CUL5: variants seen among roughly 807,000 people sequenced by gnomAD.
CUL5 encodes the protein cullin-5.
A neutral mutation model predicts 108.8 loss-of-function variants in CUL5; 26 were observed. The observed-to-expected ratio is 0.24, with a 90% CI of 0.18 to 0.33. CUL5 has a LOEUF of 0.33. Among genes scored for constraint, CUL5 ranks in the 10% least tolerant of loss-of-function variants. The probability of loss-of-function intolerance (pLI) is 1.00; values close to 1 mark genes in which losing one functional copy is unlikely to be tolerated. For synonymous variants in CUL5, 334 were observed against 298.0 expected (o/e 1.12, Z -1.25); for missense variants, 524 against 909.2 (o/e 0.58, Z 5.45).
intron 1 of CUL5, among the ~76,000 whole-genome samples, chr11:108,029,117 A>G (rs1051925493): frequency 2.0e-5 from 3 of 151,468 alleles, no homozygotes; most frequent in African/African-American, 7.3e-5. Flanking sequence ...CCCATTGTCA[A>G]CTCCCTGTTG....
chr11:108,097,505 C>G, intron 16 of CUL5, 131 bp from the exon 17 acceptor site: 3 of 585,122 alleles, frequency 5.1e-6, no homozygotes, highest in Non-Finnish European at 6.1e-6. Context: ...ATGTTATATT[C>G]ATGGAAGTAC....
intron 2 of CUL5, among the ~76,000 whole-genome samples, chr11:108,040,524 A>C (rs1007130550): frequency 6.7e-6 from 1 of 149,388 alleles, no homozygotes; most frequent in Non-Finnish European, 1.5e-5. Context: ...AGGCACGAGA[A>C]TTGCCTGAAC....
intron 7 of CUL5, among the ~76,000 whole-genome samples, chr11:108,060,173 C>A (rs1321862739): frequency 6.6e-6 from 1 of 151,886 alleles, no homozygotes; most frequent in Non-Finnish European, 1.5e-5. Context: ...GTATCCTCTC[C>A]ACAGAGGAGG....
intron 11 of CUL5, among the ~76,000 whole-genome samples, chr11:108,085,750 A>G (rs931117721): frequency 1.2e-4 from 18 of 152,192 alleles, no homozygotes; most frequent in Admixed American, 1.2e-3. Flanking sequence ...CAGCACATCC[A>G]TAGAGTAGAC....
intron 7 of CUL5, among the ~76,000 whole-genome samples, chr11:108,058,942 A>T (rs1863468020): frequency 2.0e-5 from 3 of 152,224 alleles, no homozygotes; most frequent in African/African-American, 7.2e-5. Context: ...CTGAACAGGC[A>T]TGTTGACAGC....
intron 7 of CUL5, among the ~76,000 whole-genome samples, chr11:108,065,577 G>A (rs1449441780): frequency 1.3e-5 from 2 of 152,134 alleles, no homozygotes; most frequent in Non-Finnish European, 1.5e-5. Context: ...GCTGTGAAAG[G>A]GTGGTGGTGA....
chr11:108,027,654 C>G (rs1265614930), intron 1 of CUL5, among the ~76,000 whole-genome samples: 1 of 152,150 alleles, frequency 6.6e-6, no homozygotes, highest in Non-Finnish European at 1.5e-5. Context: ...AGTGACCCGC[C>G]CGCCTCAGCC....
At chr11:108,014,711 A>G (rs1247722711) in intron 1 of CUL5, among the ~76,000 whole-genome samples, 8 of 152,146 alleles carry the variant, frequency 5.3e-5, no homozygotes, top group Admixed American at 5.2e-4. Flanking sequence ...AGTATTTCCT[A>G]ATTCTAACTA....
chr11:108,096,448 T>C (rs1864498018), intron 16 of CUL5, among the ~76,000 whole-genome samples: 1 of 151,406 alleles, frequency 6.6e-6, no homozygotes, highest in Non-Finnish European at 1.5e-5. Context: ...ATCACACCAC[T>C]GCACTCCAGC....
At chr11:108,070,555 A>T (rs1400021290) in intron 8 of CUL5, among the ~76,000 whole-genome samples, 1 of 152,132 alleles carries the variant, frequency 6.6e-6, no homozygotes, top group African/African-American at 2.4e-5. Context: ...ATCTTTTTAG[A>T]ATGTAATAAA....
intron 11 of CUL5, among the ~76,000 whole-genome samples, chr11:108,083,774 T>C (rs1205158586): frequency 6.6e-6 from 1 of 152,198 alleles, no homozygotes; most frequent in Non-Finnish European, 1.5e-5. Flanking sequence ...TGATACCCTG[T>C]CTCAAAGTAG....
At chr11:108,088,745 A>C in intron 12 of CUL5, 86 bp downstream of exon 12, 2 of 1,000,400 alleles carry the variant, frequency 2.0e-6, no homozygotes, top group Non-Finnish European at 2.8e-6. Flanking sequence ...TGATAGTATC[A>C]ATTTAAAAAT....
rs775231351 is a variant in CUL5, at chr11:108,042,148, A to AT, written c.135-4118dup. ...TTTTCTTATCACTTCACATTTTCAC[A>AT]TTTTACTTTACAGGGTAGCCACATT... On this transcript the variant is annotated intron_variant, in intron 2 of 18. Transcript: ENST00000393094. Among the ~76,000 whole-genome samples the AT allele has an allele frequency of 3.0e-4, 45 of 149,926 alleles. 1 individual carries two copies. The highest frequency in any genetic ancestry group is 1.4e-3 in the Admixed American group (21 of 14,982).
intron 1 of CUL5, among the ~76,000 whole-genome samples, chr11:108,011,752 C>T (rs1284453533): frequency 6.6e-6 from 1 of 152,016 alleles, no homozygotes; most frequent in African/African-American, 2.4e-5. Flanking sequence ...CTCAGCGTCC[C>T]GAGTAGCTGG....
intron 18 of CUL5, among the ~76,000 whole-genome samples, chr11:108,103,505 A>G (rs975993989): frequency 1.6e-4 from 25 of 152,222 alleles, no homozygotes; most frequent in Admixed American, 1.4e-3. Context: ...TGGTAAATAT[A>G]TAAAGAGTAC....
chr11:108,095,249 G>A (rs958747418), intron 15 of CUL5, among the ~76,000 whole-genome samples: 21 of 152,282 alleles, frequency 1.4e-4, no homozygotes, highest in Admixed American at 1.1e-3. Context: ...AAAGGTGAGG[G>A]TAGCTTACAC....
intron 3 of CUL5, among the ~76,000 whole-genome samples, chr11:108,048,109 G>C (rs1041408987): frequency 1.3e-5 from 2 of 151,422 alleles, no homozygotes; most frequent in African/African-American, 2.4e-5. Context: ...ATTTTTAAAC[G>C]CTTAAGAAAT....
At chr11:108,010,834 C>T (rs991640263) in intron 1 of CUL5, among the ~76,000 whole-genome samples, 1 of 152,154 alleles carries the variant, frequency 6.6e-6, no homozygotes, top group Non-Finnish European at 1.5e-5. Context: ...CACAGTGGCT[C>T]ACTCCTGTAA....
Position 108,080,111 on chromosome 11 carries a change from CTT to C in CUL5, c.1178+1886_1178+1887del, listed in dbSNP as rs34618859. 3.2e-3 allele frequency among the ~76,000 whole-genome samples: 371 copies of C among 116,658 alleles called. 1 individual carries two copies. Among genetic ancestry groups the C allele is most frequent in the African/African-American group, 8.8e-3 (320 of 36,462 alleles). 76.5% of individuals were successfully genotyped at this position (116,658 alleles called of 152,430 possible). A position where few individuals can be genotyped will look rare whatever the true frequency, so the allele number is the denominator to read the frequency against. Reference sequence around the variant, plus strand: ...CTCTTGATGTTGAGCAATTTTTCATCTTTTTTTTTTTTTTTTCCGGTATTCGT... The same window carrying C: ...CTCTTGATGTTGAGCAATTTTTCATCTTTTTTTTTTTTTTCCGGTATTCGT... On this transcript the variant is annotated intron_variant, in intron 11 of 18. Transcript: ENST00000393094.
Sources: gnomAD v4.1 joint callset for allele counts (sites outside exome capture counted in the v4.1 genomes callset) on GRCh38, gnomAD v4.1.1 for gene constraint, MANE v1.5 for transcripts, NCBI Gene and HGNC (gene_info 2026-07-23, HGNC 2026-07-21) for gene names.